XPO4: variants seen among roughly 807,000 people sequenced by gnomAD.
The protein encoded by XPO4 is exportin 4, also known as exportin-4.
Under a neutral mutation model 143.0 loss-of-function variants are expected in XPO4, and 39 were observed. The ratio of observed to expected loss-of-function variants is 0.27; its 90% CI spans 0.21 to 0.36. The LOEUF is 0.36. XPO4 is among the 10% of genes least tolerant of loss of function. The pLI is 1.00. For missense variants in XPO4, 907 were observed against 1,348.0 expected, an observed-to-expected ratio of 0.67 and a Z score of 5.12; for synonymous variants, 439 against 474.0, an observed-to-expected ratio of 0.93 and a Z score of 0.96.
chr13:20,866,111 T>C (rs919121011), intron 2 of XPO4: 1 of 985,244 alleles, frequency 1.0e-6, no homozygotes, highest in Non-Finnish European at 1.2e-6. Context: ...AGAACTCACT[T>C]GTTTTTTTAA....
At chr13:20,844,992 G>A (rs1429673650) in intron 4 of XPO4, among the ~76,000 whole-genome samples, 1 of 152,184 alleles carries the variant, frequency 6.6e-6, no homozygotes, top group Non-Finnish European at 1.5e-5. Context: ...CCAACATGGT[G>A]AAACCCTGTC....
intron 11 of XPO4, 140 bp downstream of exon 11, chr13:20,808,943 G>T: frequency 1.0e-6 from 1 of 958,564 alleles, no homozygotes; most frequent in Non-Finnish European, 1.5e-6. Flanking sequence ...ACGCAATCAT[G>T]AGTATGTTTC....
chr13:20,862,018 A>C (rs2060205456), intron 3 of XPO4, among the ~76,000 whole-genome samples: 1 of 151,690 alleles, frequency 6.6e-6, no homozygotes, highest in African/African-American at 2.4e-5. Flanking sequence ...TGATCTCTTG[A>C]CCTCATGATC....
chr13:20,891,976 C>T (rs937356349), intron 1 of XPO4, among the ~76,000 whole-genome samples: 1 of 151,930 alleles, frequency 6.6e-6, no homozygotes, highest in Non-Finnish European at 1.5e-5. Flanking sequence ...GGATGTTTCA[C>T]ACTGCTGCCA....
chr13:20,795,833 G>A (rs1459347408), intron 18 of XPO4, among the ~76,000 whole-genome samples: 1 of 152,128 alleles, frequency 6.6e-6, no homozygotes, highest in Non-Finnish European at 1.5e-5. Context: ...TGAGAGGTAA[G>A]AACAGTGCAT....
chr13:20,814,763 G>A (rs898365593), intron 9 of XPO4, among the ~76,000 whole-genome samples: 3 of 152,204 alleles, frequency 2.0e-5, no homozygotes, highest in Non-Finnish European at 4.4e-5. Flanking sequence ...TAGAGCTTAC[G>A]AGACTACTTG....
intron 3 of XPO4, among the ~76,000 whole-genome samples, chr13:20,860,331 CTTTT>C (rs2060185626): frequency 6.6e-6 from 1 of 152,152 alleles, no homozygotes; most frequent in African/African-American, 2.4e-5. Flanking sequence ...GGCTTATTTT[CTTTT>C]ATTACATAAA....
At chr13:20,801,785 C>T (rs2059436934) in intron 13 of XPO4, among the ~76,000 whole-genome samples, 1 of 152,178 alleles carries the variant, frequency 6.6e-6, no homozygotes. Flanking sequence ...GGATTCTAAT[C>T]ACTCAAATTC....
At chr13:20,841,553 G>A (rs1333280620) in intron 6 of XPO4, among the ~76,000 whole-genome samples, 1 of 152,112 alleles carries the variant, frequency 6.6e-6, no homozygotes, top group African/African-American at 2.4e-5. Context: ...AACAGTGACT[G>A]ACCTTACTGT....
intron 6 of XPO4, among the ~76,000 whole-genome samples, chr13:20,842,097 C>T (rs1262324179): frequency 6.6e-6 from 1 of 152,098 alleles, no homozygotes; most frequent in Non-Finnish European, 1.5e-5. Context: ...TTAATTCACA[C>T]AACAATCCAT....
intron 1 of XPO4, among the ~76,000 whole-genome samples, chr13:20,891,180 T>C (rs2060512889): frequency 6.9e-6 from 1 of 145,182 alleles, no homozygotes; most frequent in Admixed American, 6.9e-5. Flanking sequence ...AGACTTGTGG[T>C]GTCTAACACA....
intron 1 of XPO4, among the ~76,000 whole-genome samples, chr13:20,897,439 G>A (rs1296883477): frequency 6.6e-6 from 1 of 152,116 alleles, no homozygotes; most frequent in Non-Finnish European, 1.5e-5. Context: ...TTCAGCTTAA[G>A]GGTTACCTAT....
intron 1 of XPO4, among the ~76,000 whole-genome samples, chr13:20,870,007 T>G (rs956930558): frequency 1.4e-5 from 2 of 142,122 alleles, no homozygotes; most frequent in Non-Finnish European, 3.0e-5. Flanking sequence ...GGCAGAAGCA[T>G]GAGAATCGCT....
chr13:20,824,090 C>T lies in XPO4; in HGVS notation c.841-1801G>A, dbSNP rs561411912. 2.0e-5 allele frequency among the ~76,000 whole-genome samples: 3 copies of T among 152,342 alleles called. No homozygotes were observed. The South Asian group carries it at 6.2e-4, about 32-fold the overall frequency. ...TGACCTGCAAAGCCTAAAGTGTTTA[C>T]TATCTGGCCCTATACAAAAAATGTC... On this transcript the variant is annotated intron_variant, in intron 7 of 22. Transcript: ENST00000255305.
intron 4 of XPO4, chr13:20,849,622 A>G (rs984229708): frequency 1.0e-6 from 1 of 985,318 alleles, no homozygotes; most frequent in Non-Finnish European, 1.2e-6. Context: ...AAACATCATA[A>G]CTGCCCACAA....
Position 20,827,099 on chromosome 13 carries a change from G to C in XPO4, c.808C>G (p.Leu270Val), listed in dbSNP as rs564696951. The change falls in exon 7 of 23, where the codon CTG becomes GTG. Residue 270 changes from leucine (L) to valine (V), a missense_variant. Leu to Val is a conservative substitution (Grantham distance 32). Coordinates refer to ENST00000255305, the MANE Select transcript of XPO4 (RefSeq NM_022459.5). ...AAAAGCTCCATAACTCTGCTGTCCA[G>C]AAGAGTCTCCCGCCAGGACTCTGTT... Reference protein sequence around the residue: ...KPTESWRETLLDSRVMELFFT... With the variant: ...KPTESWRETLVDSRVMELFFT... 7 of 1,613,678 alleles carry C rather than the reference G, an allele frequency of 4.3e-6. No homozygotes were observed. The highest frequency in any genetic ancestry group is 1.7e-5 in the Admixed American group (1 of 59,992).
chr13:20,845,421 G>A (rs1233024656), intron 4 of XPO4, among the ~76,000 whole-genome samples: 4 of 152,098 alleles, frequency 2.6e-5, no homozygotes, highest in Non-Finnish European at 5.9e-5. Flanking sequence ...CACACATTTT[G>A]TAATTTTACT....
chr13:20,894,886 G>A (rs2060553181), intron 1 of XPO4, among the ~76,000 whole-genome samples: 1 of 147,598 alleles, frequency 6.8e-6, no homozygotes, highest in African/African-American at 2.5e-5. Context: ...TAAAACACAT[G>A]CAACATTCAG....
intron 1 of XPO4, among the ~76,000 whole-genome samples, chr13:20,890,202 A>C (rs555687266): frequency 1.6e-4 from 25 of 152,198 alleles, no homozygotes; most frequent in Non-Finnish European, 3.4e-4. Flanking sequence ...TCATCCCAGC[A>C]CTTTGGAGAG....
Sources: gnomAD v4.1 joint callset for allele counts (sites outside exome capture counted in the v4.1 genomes callset) on GRCh38, gnomAD v4.1.1 for gene constraint, MANE v1.5 for transcripts, NCBI Gene and HGNC (gene_info 2026-07-23, HGNC 2026-07-21) for gene names.